Variants in RANBP2 observed in about 807,000 individuals in gnomAD.
The protein encoded by RANBP2 is RAN binding protein 2, also known as E3 SUMO-protein ligase RanBP2.
In RANBP2, 57 loss-of-function variants were observed where a neutral mutation model predicts 303.6. That is an observed-to-expected ratio of 0.19 (90% CI 0.15 to 0.23). The LOEUF is 0.23. Ranked by LOEUF, RANBP2 falls within the 10% of genes least tolerant of loss-of-function variation. The pLI is 1.00. For missense variants in RANBP2, 3,138 were observed against 3,780.8 expected (o/e 0.83, Z 4.46); for synonymous variants, 1,167 against 1,301.5 (o/e 0.90, Z 2.23).
chr2:109,184,773 G>T, the RANBP2 span, among the ~76,000 whole-genome samples: 1 of 152,206 alleles, frequency 6.6e-6, no homozygotes, highest in East Asian at 1.9e-4. Flanking sequence ...GGTTTGCAGA[G>T]TTCAGGGAGT....
the RANBP2 span, among the ~76,000 whole-genome samples, chr2:109,110,367 G>A: frequency 6.6e-6 from 1 of 152,142 alleles, no homozygotes; most frequent in Non-Finnish European, 1.5e-5. Context: ...CAGGCAGATG[G>A]CATCTACCAT....
chr2:108,942,104 G>T, the RANBP2 span, among the ~76,000 whole-genome samples: 2 of 152,230 alleles, frequency 1.3e-5, no homozygotes, highest in African/African-American at 4.8e-5. Context: ...TGTGCTGGGG[G>T]CAGAGGCCCC....
At chr2:109,694,453 G>T in the RANBP2 span, among the ~76,000 whole-genome samples, 1 of 148,846 alleles carries the variant, frequency 6.7e-6, no homozygotes, top group Admixed American at 6.8e-5. Context: ...CATCAGGCTG[G>T]AATGCAGTGG....
the RANBP2 span, among the ~76,000 whole-genome samples, chr2:109,401,649 C>T: frequency 6.6e-6 from 1 of 152,208 alleles, no homozygotes; most frequent in Non-Finnish European, 1.5e-5. Flanking sequence ...CCCAAGAGGG[C>T]CAGGGGCATC....
Position 108,731,378 on chromosome 2 carries a change from G to A in RANBP2, c.309G>A (p.Leu103=). The stretch of plus-strand genomic sequence containing the variant: ...ATCTTGTGTTGAAGATTGCAGAATT[G>A]CTTTGTAAAAATGATGTTACTGATG... ...QKDLVLKIAE[L]LCKNDVTDGR... The change falls in exon 4 of 29, where the codon TTG becomes TTA. Residue 103 remains leucine (L), a synonymous_variant. Transcript: ENST00000283195. 1 of 1,611,458 alleles carries A rather than the reference G, an allele frequency of 6.2e-7. No homozygotes were observed. The highest frequency in any genetic ancestry group is 1.1e-5 in the South Asian group (1 of 90,968).
At chr2:108,795,977 CAA>C in the RANBP2 span, among the ~76,000 whole-genome samples, 1 of 152,074 alleles carries the variant, frequency 6.6e-6, no homozygotes, top group Admixed American at 6.5e-5. Flanking sequence ...TTGTAGCAAA[CAA>C]AGATGTTTAA....
At chr2:109,629,235 T>TAAATAAAAAAA in the RANBP2 span, among the ~76,000 whole-genome samples, 1 of 138,078 alleles carries the variant, frequency 7.2e-6, no homozygotes, top group Non-Finnish European at 1.5e-5. Flanking sequence ...AATAAATAAA[T>TAAATAAAAAAA]AAAATGCTTA....
the RANBP2 span, among the ~76,000 whole-genome samples, chr2:108,836,560 A>G: frequency 6.6e-6 from 1 of 152,152 alleles, no homozygotes. Flanking sequence ...TCTATTTTCA[A>G]TTTTTGAAGA....
At chr2:108,863,728 A>G in the RANBP2 span, among the ~76,000 whole-genome samples, 1 of 152,222 alleles carries the variant, frequency 6.6e-6, no homozygotes. Context: ...ATGAAATTGG[A>G]TAAGAAAAGT....
At chr2:109,170,289 CT>C in the RANBP2 span, among the ~76,000 whole-genome samples, 23 of 120,874 alleles carry the variant, frequency 1.9e-4, 1 homozygote, top group East Asian at 3.6e-3. Flanking sequence ...CTTCTCTTCT[CT>C]TCTCTTCTCT....
the RANBP2 span, among the ~76,000 whole-genome samples, chr2:108,919,420 G>A: frequency 2.0e-5 from 3 of 152,112 alleles, no homozygotes; most frequent in Admixed American, 6.6e-5. Flanking sequence ...GTGCAATGGC[G>A]CAATCTCAGT....
the RANBP2 span, among the ~76,000 whole-genome samples, chr2:109,298,962 G>A: frequency 1.2e-4 from 19 of 152,318 alleles, no homozygotes; most frequent in South Asian, 4.1e-4. Context: ...AAGCCAGGCC[G>A]TATGACACGG....
At chr2:109,615,088 C>T in the RANBP2 span, 2 of 1,549,562 alleles carry the variant, frequency 1.3e-6, no homozygotes, top group Non-Finnish European at 1.7e-6. Flanking sequence ...GCACAGAGGC[C>T]GGCCCGCCAG....
chr2:109,413,430 G>T, the RANBP2 span, among the ~76,000 whole-genome samples: 2 of 152,138 alleles, frequency 1.3e-5, no homozygotes, highest in Non-Finnish European at 2.9e-5. Context: ...GTTATTTTAG[G>T]ATTCATTCTT....
chr2:109,078,228 G>A, the RANBP2 span, among the ~76,000 whole-genome samples: 23 of 39,262 alleles, frequency 5.9e-4, no homozygotes, highest in African/African-American at 8.2e-4. Context: ...TATATAGCGT[G>A]TATATATATA....
chr2:109,208,214 A>C, the RANBP2 span, among the ~76,000 whole-genome samples: 1 of 152,308 alleles, frequency 6.6e-6, no homozygotes, highest in South Asian at 2.1e-4. Context: ...AGCAAAGCTG[A>C]GGTTTTAGTT....
the RANBP2 span, among the ~76,000 whole-genome samples, chr2:109,022,391 G>A: frequency 1.3e-5 from 2 of 152,254 alleles, no homozygotes; most frequent in African/African-American, 4.8e-5. Context: ...TGTGGACAGC[G>A]TCGCTCATTT....
chr2:109,039,385 C>T, the RANBP2 span, among the ~76,000 whole-genome samples: 56 of 152,218 alleles, frequency 3.7e-4, 1 homozygote, highest in East Asian at 0.011. Flanking sequence ...GAGTCTTGCT[C>T]TGTCGCCCAG....
chr2:109,367,391 C>T, the RANBP2 span, among the ~76,000 whole-genome samples: 1 of 152,174 alleles, frequency 6.6e-6, no homozygotes, highest in African/African-American at 2.4e-5. Flanking sequence ...AAGCAATTCT[C>T]CTGCCTCAGC....
Sources: allele counts gnomAD v4.1 joint callset (sites outside exome capture counted in the v4.1 genomes callset), GRCh38; gene constraint gnomAD v4.1.1; transcripts MANE v1.5; gene names NCBI Gene and HGNC (gene_info 2026-07-23, HGNC 2026-07-21).